ATP8A1: variants seen among roughly 807,000 people sequenced by gnomAD.
The protein encoded by ATP8A1 is ATPase phospholipid transporting 8A1.
A neutral mutation model predicts 177.7 loss-of-function variants in ATP8A1; 90 were observed. The observed-to-expected ratio is 0.51, with a 90% CI of 0.43 to 0.60. The LOEUF is 0.60. ATP8A1 is among the 20% of genes least tolerant of loss of function. The probability of loss-of-function intolerance (pLI) is 0.00; values close to 1 mark genes in which losing one functional copy is unlikely to be tolerated. For synonymous variants in ATP8A1, 493 were observed against 485.9 expected (o/e 1.01, Z -0.19); for missense variants, 1,072 against 1,392.8 (o/e 0.77, Z 3.67).
At chr4:42,624,741 A>C in intron 3 of ATP8A1, 107 bp from the exon 4 acceptor site, 1 of 530,096 alleles carries the variant, frequency 1.9e-6, no homozygotes, top group East Asian at 3.2e-5. Flanking sequence ...CACTGATTTT[A>C]CTATCTTGGC....
chr4:42,633,403 T>A (rs1177912550), intron 1 of ATP8A1, among the ~76,000 whole-genome samples: 1 of 152,232 alleles, frequency 6.6e-6, no homozygotes, highest in East Asian at 1.9e-4. Flanking sequence ...CATGATCTAA[T>A]AAGACCTGTT....
At chr4:42,461,356 G>A (rs1343095894) in intron 27 of ATP8A1, among the ~76,000 whole-genome samples, 1 of 150,098 alleles carries the variant, frequency 6.7e-6, no homozygotes, top group Non-Finnish European at 1.5e-5. Flanking sequence ...ATTCCCATGT[G>A]TTGTGGGAGG....
At chr4:42,539,294 A>G (rs1257835045) in intron 20 of ATP8A1, among the ~76,000 whole-genome samples, 1 of 152,078 alleles carries the variant, frequency 6.6e-6, no homozygotes, top group East Asian at 1.9e-4. Flanking sequence ...ATAAAAGACT[A>G]CATATTGGGT....
intron 9 of ATP8A1, among the ~76,000 whole-genome samples, chr4:42,583,159 G>C (rs1244437492): frequency 3.2e-5 from 3 of 94,548 alleles, no homozygotes; most frequent in Admixed American, 1.3e-4. Flanking sequence ...TTGGGCCTTG[G>C]ACATTCAGGA....
intron 4 of ATP8A1, among the ~76,000 whole-genome samples, chr4:42,616,947 AAC>A (rs1161819122): frequency 3.3e-5 from 5 of 152,218 alleles, no homozygotes; most frequent in Non-Finnish European, 5.9e-5. Context: ...AGACTCCATT[AAC>A]ACTGCAGAAG....
intron 20 of ATP8A1, among the ~76,000 whole-genome samples, chr4:42,536,756 G>A (rs28840685): frequency 1.0e-3 from 156 of 152,294 alleles, no homozygotes; most frequent in African/African-American, 3.7e-3. Flanking sequence ...GGATCAAGTG[G>A]GTTTCATACC....
At chr4:42,478,983 AG>A (rs1245709800) in intron 25 of ATP8A1, among the ~76,000 whole-genome samples, 2 of 152,218 alleles carry the variant, frequency 1.3e-5, no homozygotes, top group East Asian at 1.9e-4. Context: ...GAGAAAAGAA[AG>A]GAACAGTCTA....
chr4:42,524,004 T>C (rs551549842), intron 21 of ATP8A1, among the ~76,000 whole-genome samples: 7 of 152,170 alleles, frequency 4.6e-5, no homozygotes, highest in Admixed American at 1.3e-4. Context: ...CTGAAACAGA[T>C]AGGAGTGAAA....
At chr4:42,492,353 T>C (rs780655254) in intron 24 of ATP8A1, among the ~76,000 whole-genome samples, 3 of 152,232 alleles carry the variant, frequency 2.0e-5, no homozygotes, top group Non-Finnish European at 2.9e-5. Context: ...CATTTAATAA[T>C]GTATTTCTAT....
At chr4:42,596,440 C>T (rs1287738567) in intron 6 of ATP8A1, among the ~76,000 whole-genome samples, 5 of 152,014 alleles carry the variant, frequency 3.3e-5, no homozygotes, top group African/African-American at 4.8e-5. Flanking sequence ...GAGACTGAGG[C>T]GGGCGGATCA....
Position 42,409,443 on chromosome 4 carries a change from A to G in ATP8A1, c.*3473T>C, listed in dbSNP as rs1408898313. The G allele has an allele frequency of 2.0e-5, 3 of 152,190 alleles. No homozygotes were observed. The South Asian group carries it at 6.2e-4, about 32-fold the overall frequency. The allele number at this position is 152,190 out of a possible 1,614,324, so 9.4% of individuals were successfully genotyped here. On this transcript the variant is annotated 3_prime_UTR_variant, in exon 37 of 37. Coordinates refer to ENST00000381668, the MANE Select transcript of ATP8A1 (RefSeq NM_006095.2). ...CTTACGAGTCATTATAGAAATGTTC[A>G]TCATTAAAAAGCATTTATTAGGCAC...
intron 25 of ATP8A1, 28 bp from the exon 26 acceptor site, chr4:42,465,104 T>C (rs202134973): frequency 1.4e-5 from 22 of 1,578,362 alleles, no homozygotes; most frequent in Non-Finnish European, 1.7e-6. Context: ...TATCAATTAC[T>C]GTTTTCTGAA....
At chr4:42,498,606 T>G (rs911496902) in intron 24 of ATP8A1, among the ~76,000 whole-genome samples, 17 of 152,190 alleles carry the variant, frequency 1.1e-4, no homozygotes, top group Non-Finnish European at 1.5e-5. Flanking sequence ...AGTAGAGAAC[T>G]TTAAGTAATT....
chr4:42,457,862 A>G (rs1030714962), intron 27 of ATP8A1, among the ~76,000 whole-genome samples: 3 of 152,208 alleles, frequency 2.0e-5, no homozygotes, highest in Non-Finnish European at 4.4e-5. Flanking sequence ...CCTGCTTTAT[A>G]CTTTACGACA....
intron 25 of ATP8A1, among the ~76,000 whole-genome samples, chr4:42,482,546 T>C (rs1194025983): frequency 1.4e-5 from 2 of 146,302 alleles, no homozygotes; most frequent in South Asian, 2.3e-4. Flanking sequence ...CAGAAAACAG[T>C]GGTGAGAGAG....
intron 1 of ATP8A1, among the ~76,000 whole-genome samples, chr4:42,650,342 C>T (rs1267045315): frequency 6.6e-6 from 1 of 152,194 alleles, no homozygotes; most frequent in Non-Finnish European, 1.5e-5. Flanking sequence ...CACACAGTGC[C>T]ACTTCAGGTA....
At chr4:42,486,096 G>C (rs1037032069) in intron 24 of ATP8A1, among the ~76,000 whole-genome samples, 1 of 152,162 alleles carries the variant, frequency 6.6e-6, no homozygotes, top group African/African-American at 2.4e-5. Flanking sequence ...TTTGCCACGA[G>C]AGTACACTGA....
chr4:42,414,921 A>G (rs944138684), intron 35 of ATP8A1: 7 of 546,364 alleles, frequency 1.3e-5, no homozygotes, highest in East Asian at 6.2e-5. Flanking sequence ...TTTTCTCCCT[A>G]AGGAGTTTGG....
chr4:42,547,072 T>C (rs747826282), intron 19 of ATP8A1, among the ~76,000 whole-genome samples: 1 of 152,238 alleles, frequency 6.6e-6, no homozygotes, highest in Non-Finnish European at 1.5e-5. Flanking sequence ...GATTTCTCTT[T>C]TGTTTCAGGC....
Sources: allele counts gnomAD v4.1 joint callset (sites outside exome capture counted in the v4.1 genomes callset), GRCh38; gene constraint gnomAD v4.1.1; transcripts MANE v1.5; gene names NCBI Gene and HGNC (gene_info 2026-07-23, HGNC 2026-07-21).